Variants in SYNPR observed in about 807,000 individuals in gnomAD.
SYNPR encodes synaptoporin.
In SYNPR, 23 loss-of-function variants were observed where a neutral mutation model predicts 32.9. The ratio of observed to expected loss-of-function variants is 0.70; its 90% confidence interval spans 0.50 to 0.99. SYNPR has a LOEUF of 0.99. Ranked by LOEUF, SYNPR falls within the 50% of genes least tolerant of loss-of-function variation. SYNPR has a pLI of 0.00. For missense variants in SYNPR, 318 were observed against 349.3 expected, an observed-to-expected ratio of 0.91 and a Z score of 0.71; for synonymous variants, 146 against 135.9, an observed-to-expected ratio of 1.07 and a Z score of -0.52.
intron 4 of SYNPR, among the ~76,000 whole-genome samples, chr3:63,558,420 C>T (rs1702628283): frequency 6.6e-6 from 1 of 152,148 alleles, no homozygotes; most frequent in Non-Finnish European, 1.5e-5. Context: ...GCTCACTCCA[C>T]CTCCTAGGCT....
chr3:63,548,159 T>C (rs1355071253), intron 3 of SYNPR, among the ~76,000 whole-genome samples: 2 of 152,172 alleles, frequency 1.3e-5, no homozygotes, highest in African/African-American at 4.8e-5. Context: ...TGAAGTTCAA[T>C]AAATCTTTAC....
At position 63,520,248 on chromosome 3, in the gene SYNPR, A is replaced by G. The variant is rs139245798; in HGVS notation, c.210-36295A>G. Among the ~76,000 whole-genome samples the G allele has an allele frequency of 8.9e-3, 1,351 of 152,332 alleles. 26 individuals are homozygous for G. The highest frequency in any genetic ancestry group is 0.031 in the African/African-American group (1,279 of 41,564). On this transcript the variant is annotated intron_variant, in intron 3 of 5. Coordinates refer to ENST00000478300, the MANE Select transcript of SYNPR (RefSeq NM_001130003.2). ...ACAATGCTGCAATGATATATCAGGA[A>G]GGAAGTTAAATGGAATTCTGGGAAA...
At chr3:63,345,606 C>T (rs1341104871) in intron 2 of SYNPR, among the ~76,000 whole-genome samples, 1 of 152,106 alleles carries the variant, frequency 6.6e-6, no homozygotes, top group African/African-American at 2.4e-5. Flanking sequence ...CTCCCTCTCG[C>T]CTAGCCTCTC....
chr3:63,303,078 A>G (rs2086873949), intron 2 of SYNPR, among the ~76,000 whole-genome samples: 1 of 151,962 alleles, frequency 6.6e-6, no homozygotes, highest in Non-Finnish European at 1.5e-5. Flanking sequence ...TTTCATAAAC[A>G]TATGTTTTAA....
At chr3:63,288,546 T>A (rs1284722611) in intron 2 of SYNPR, among the ~76,000 whole-genome samples, 7 of 152,182 alleles carry the variant, frequency 4.6e-5, no homozygotes, top group African/African-American at 1.7e-4. Context: ...CACATGGGCC[T>A]CCACTAGCTT....
At chr3:63,496,893 A>G (rs186473220) in intron 3 of SYNPR, among the ~76,000 whole-genome samples, 85 of 152,258 alleles carry the variant, frequency 5.6e-4, no homozygotes, top group African/African-American at 1.9e-3. Context: ...GGTACCAGGC[A>G]CTATGCTTGG....
chr3:63,494,130 G>A (rs1398786638), intron 3 of SYNPR, among the ~76,000 whole-genome samples: 2 of 151,070 alleles, frequency 1.3e-5, no homozygotes, highest in Non-Finnish European at 2.9e-5. Context: ...AAAAACAAAT[G>A]GATGTTTTTA....
chr3:63,219,724 T>G, the SYNPR span, among the ~76,000 whole-genome samples: 1 of 152,230 alleles, frequency 6.6e-6, no homozygotes, highest in South Asian at 2.1e-4. Flanking sequence ...ATATATTTAC[T>G]ATTCATTAAG....
intron 4 of SYNPR, among the ~76,000 whole-genome samples, chr3:63,562,481 T>C (rs901497951): frequency 1.3e-5 from 2 of 152,174 alleles, no homozygotes; most frequent in African/African-American, 4.8e-5. Context: ...CAAACTCTCC[T>C]CCCATAAAGG....
intron 2 of SYNPR, among the ~76,000 whole-genome samples, chr3:63,448,180 T>C (rs1412878747): frequency 1.3e-5 from 2 of 152,116 alleles, no homozygotes; most frequent in Non-Finnish European, 2.9e-5. Flanking sequence ...ATTTGTGTAT[T>C]ATTAGTAGAA....
the SYNPR span, among the ~76,000 whole-genome samples, chr3:63,216,892 A>G: frequency 2.2e-4 from 10 of 46,248 alleles, 2 homozygotes; most frequent in African/African-American, 6.5e-4. Flanking sequence ...TTTTCGGTGT[A>G]GATGTCCTTT....
intron 2 of SYNPR, among the ~76,000 whole-genome samples, chr3:63,357,406 T>A (rs1163719291): frequency 2.0e-5 from 3 of 152,212 alleles, no homozygotes; most frequent in Non-Finnish European, 4.4e-5. Flanking sequence ...GTGATGCTGC[T>A]TTTCTTCCAT....
chr3:63,340,428 T>TTTC (rs2087351591), intron 2 of SYNPR, among the ~76,000 whole-genome samples: 1 of 148,708 alleles, frequency 6.7e-6, no homozygotes, highest in African/African-American at 2.5e-5. Flanking sequence ...TATTTTTTTT[T>TTTC]TTTTTTTTTG....
intron 2 of SYNPR, among the ~76,000 whole-genome samples, chr3:63,413,455 A>T (rs2088496691): frequency 6.6e-6 from 1 of 152,198 alleles, no homozygotes; most frequent in Non-Finnish European, 1.5e-5. Context: ...GAACCCCTGA[A>T]GGCTTATGTA....
chr3:63,606,877 G>A (rs543419714), intron 4 of SYNPR, among the ~76,000 whole-genome samples: 1 of 152,210 alleles, frequency 6.6e-6, no homozygotes, highest in South Asian at 2.1e-4. Flanking sequence ...CTGTAAAATG[G>A]GGTCAGGATT....
At chr3:63,220,411 CCT>C in the SYNPR span, among the ~76,000 whole-genome samples, 1 of 152,016 alleles carries the variant, frequency 6.6e-6, no homozygotes, top group Non-Finnish European at 1.5e-5. Context: ...CTGGGGCTGT[CCT>C]TGAAGTCTTC....
intron 5 of SYNPR, among the ~76,000 whole-genome samples, chr3:63,612,624 T>C (rs1700215965): frequency 6.6e-6 from 1 of 152,192 alleles, no homozygotes; most frequent in Non-Finnish European, 1.5e-5. Flanking sequence ...AGGGCCCAAG[T>C]GACCCTAAAA....
chr3:63,339,013 A>G (rs768365626), intron 2 of SYNPR, among the ~76,000 whole-genome samples: 6 of 152,232 alleles, frequency 3.9e-5, no homozygotes, highest in Non-Finnish European at 7.3e-5. Flanking sequence ...CTCCTCAGGA[A>G]TCTTTGCCTG....
rs576931284 is a variant in SYNPR at position 63,444,861 on chromosome 3, T to C, written c.85-35971T>C. On this transcript the variant is annotated intron_variant, in intron 2 of 5. Transcript: ENST00000478300. Reference sequence around the variant, plus strand: ...AACCCACCCAAGTTATTATATTGCCTTGTTACTGGTCCCAATAAGCATGTG... The same window carrying C: ...AACCCACCCAAGTTATTATATTGCCCTGTTACTGGTCCCAATAAGCATGTG... Among the ~76,000 whole-genome samples, 7 of 152,142 alleles carry C rather than the reference T, an allele frequency of 4.6e-5. No individual in the cohort carries two copies. In the South Asian group the frequency reaches 1.2e-3, roughly 27 times the overall value.
Sources: gnomAD v4.1 joint callset for allele counts (sites outside exome capture counted in the v4.1 genomes callset) on GRCh38, gnomAD v4.1.1 for gene constraint, MANE v1.5 for transcripts, NCBI Gene and HGNC (gene_info 2026-07-23, HGNC 2026-07-21) for gene names.